Variants in PLD1 observed in about 807,000 individuals in gnomAD.
PLD1 encodes the protein phospholipase D1.
PLD1 carries 112 observed loss-of-function variants against 137.1 expected under a neutral mutation model. That is an observed-to-expected ratio of 0.82 (90% CI 0.70 to 0.96). PLD1 has a LOEUF of 0.96. Among genes scored for constraint, PLD1 ranks in the 40% least tolerant of loss-of-function variants. The probability of loss-of-function intolerance (pLI) is 0.00; values close to 1 mark genes in which losing one functional copy is unlikely to be tolerated. For synonymous variants in PLD1, 431 were observed against 454.7 expected (o/e 0.95, Z 0.66); for missense variants, 1,321 against 1,342.0 (o/e 0.98, Z 0.24).
At chr3:171,619,478 A>G (rs1733407097) in intron 24 of PLD1, among the ~76,000 whole-genome samples, 1 of 152,204 alleles carries the variant, frequency 6.6e-6, no homozygotes, top group Non-Finnish European at 1.5e-5. Context: ...ACCTTAGTGC[A>G]GGGCTACATC....
intron 1 of PLD1, among the ~76,000 whole-genome samples, chr3:171,803,840 G>C (rs985355080): frequency 6.6e-6 from 1 of 152,136 alleles, no homozygotes; most frequent in Non-Finnish European, 1.5e-5. Context: ...TCACCATATA[G>C]AAATAATAAA....
intron 11 of PLD1, among the ~76,000 whole-genome samples, chr3:171,700,995 T>A (rs1004629376): frequency 2.0e-5 from 3 of 152,230 alleles, no homozygotes; most frequent in Non-Finnish European, 4.4e-5. Flanking sequence ...TATGTCAGGA[T>A]GAAAGCCTTA....
intron 22 of PLD1, among the ~76,000 whole-genome samples, chr3:171,644,640 T>C (rs920898113): frequency 6.6e-6 from 1 of 152,232 alleles, no homozygotes; most frequent in Non-Finnish European, 1.5e-5. Context: ...ATCAACATTA[T>C]ACATATATAG....
chr3:171,711,061 C>T (rs916314659), intron 9 of PLD1, among the ~76,000 whole-genome samples: 3 of 149,512 alleles, frequency 2.0e-5, no homozygotes, highest in African/African-American at 7.4e-5. Flanking sequence ...TTAGTAGAGA[C>T]GGGGTTTCTC....
intron 20 of PLD1, among the ~76,000 whole-genome samples, chr3:171,661,036 A>G (rs1737625365): frequency 6.6e-6 from 1 of 152,250 alleles, no homozygotes; most frequent in South Asian, 2.1e-4. Flanking sequence ...TAATAGCATT[A>G]CTAAGCTCCA....
intron 12 of PLD1, among the ~76,000 whole-genome samples, chr3:171,694,875 T>C (rs1231885871): frequency 6.6e-6 from 1 of 152,206 alleles, no homozygotes; most frequent in African/African-American, 2.4e-5. Flanking sequence ...CTATACTGTC[T>C]TTTCTCATTG....
chr3:171,684,051 A>T (rs947815950), intron 16 of PLD1, among the ~76,000 whole-genome samples: 3 of 152,154 alleles, frequency 2.0e-5, no homozygotes, highest in Non-Finnish European at 4.4e-5. Flanking sequence ...TATTCAGTTT[A>T]TCAGTGAGGG....
At chr3:171,676,586 C>T (rs969544909) in intron 18 of PLD1, 129 bp downstream of exon 18, 2 of 738,978 alleles carry the variant, frequency 2.7e-6, no homozygotes, top group Non-Finnish European at 4.7e-6. Flanking sequence ...TCAATGCAGC[C>T]AACAGCAGAG....
chr3:171,795,746 T>G (rs1723409337), intron 1 of PLD1, among the ~76,000 whole-genome samples: 1 of 152,246 alleles, frequency 6.6e-6, no homozygotes, highest in African/African-American at 2.4e-5. Context: ...CTTAGAATTC[T>G]TCCCAAAAGG....
intron 11 of PLD1, among the ~76,000 whole-genome samples, chr3:171,706,539 C>G (rs1041670083): frequency 6.6e-6 from 1 of 152,146 alleles, no homozygotes; most frequent in Non-Finnish European, 1.5e-5. Flanking sequence ...CTACCCTTTA[C>G]AAACACCCTC....
chr3:171,716,169 T>C (rs1209290173), intron 8 of PLD1, among the ~76,000 whole-genome samples: 1 of 152,182 alleles, frequency 6.6e-6, no homozygotes, highest in African/African-American at 2.4e-5. Flanking sequence ...TCCATGTCTT[T>C]GCTATTGTAA....
At chr3:171,649,676 C>T (rs1736559798) in intron 21 of PLD1, among the ~76,000 whole-genome samples, 2 of 152,212 alleles carry the variant, frequency 1.3e-5, no homozygotes, top group African/African-American at 4.8e-5. Context: ...CCCCGGATAA[C>T]TACCCATCAT....
At chr3:171,605,022 C>T (rs538670965) in intron 26 of PLD1, among the ~76,000 whole-genome samples, 1 of 152,280 alleles carries the variant, frequency 6.6e-6, no homozygotes, top group Admixed American at 6.5e-5. Context: ...TGTACAAAGG[C>T]TGGGTAACCA....
chr3:171,676,972 A>G, intron 17 of PLD1, 139 bp from the exon 18 acceptor site: 1 of 601,052 alleles, frequency 1.7e-6, no homozygotes, highest in Non-Finnish European at 3.0e-6. Flanking sequence ...ATAGAACAAC[A>G]TTTTTATAAT....
chr3:171,712,545 G>A (rs1330053117), intron 9 of PLD1, among the ~76,000 whole-genome samples: 1 of 152,140 alleles, frequency 6.6e-6, no homozygotes, highest in Non-Finnish European at 1.5e-5. Context: ...TGCCTTCATA[G>A]AACCTGCAAG....
intron 12 of PLD1, among the ~76,000 whole-genome samples, chr3:171,698,811 C>CAAAAAAAAAAAAAAAAAAAAAAAAA (rs11359377): frequency 9.6e-6 from 1 of 103,964 alleles, no homozygotes. Context: ...TACAAAAATA[C>CAAAAAAAAAAAAAAAAAAAAAAAAA]AAAAAAAAAA....
chr3:171,789,062 A>G (rs1201406262), intron 1 of PLD1: 1 of 152,260 alleles, frequency 6.6e-6, no homozygotes, highest in Admixed American at 6.5e-5. Context: ...CCAAAAGTCT[A>G]CTGTGCACAA....
intron 1 of PLD1, among the ~76,000 whole-genome samples, chr3:171,751,911 G>A (rs976711154): frequency 6.6e-6 from 1 of 151,962 alleles, no homozygotes; most frequent in African/African-American, 2.4e-5. Context: ...GCTGGGGCAG[G>A]AGAATGGTAT....
intron 13 of PLD1, 56 bp downstream of exon 13, chr3:171,692,276 G>A: frequency 1.2e-6 from 1 of 863,736 alleles, no homozygotes; most frequent in Non-Finnish European, 2.0e-6. Context: ...AAACATACCT[G>A]AAAAAATCCT....
Sources: allele counts gnomAD v4.1 joint callset (sites outside exome capture counted in the v4.1 genomes callset), GRCh38; gene constraint gnomAD v4.1.1; transcripts MANE v1.5; gene names NCBI Gene and HGNC (gene_info 2026-07-23, HGNC 2026-07-21).